The following FOXP1 variants were observed in gnomAD, a reference collection of about 807,000 sequenced individuals.
FOXP1 encodes forkhead box protein P1.
A neutral mutation model predicts 98.2 loss-of-function variants in FOXP1; 15 were observed. The ratio of observed to expected loss-of-function variants is 0.15; its 90% confidence interval spans 0.10 to 0.24. FOXP1 has a LOEUF of 0.24. Ranked by LOEUF, FOXP1 falls within the 10% of genes least tolerant of loss-of-function variation. The pLI, the probability that FOXP1 is intolerant of heterozygous loss-of-function variation, is 1.00. For missense variants in FOXP1, 633 were observed against 848.5 expected (o/e 0.75, Z 3.15); for synonymous variants, 371 against 314.5 (o/e 1.18, Z -1.90).
chr3:71,199,716 G>A (rs2063536686), intron 5 of FOXP1, among the ~76,000 whole-genome samples: 1 of 151,360 alleles, frequency 6.6e-6, no homozygotes, highest in Non-Finnish European at 1.5e-5. Context: ...CTCCAGCCTA[G>A]GTGACAGGGT....
chr3:70,956,757 TTTTTTTTTTTTTTTTTA>T lies in FOXP1; in HGVS notation c.*2473_*2489del. On this transcript the variant is annotated 3_prime_UTR_variant, in exon 21 of 21. Transcript: ENST00000649528. ...GTTTTTTTTTTTTTTTTTTTTTTTT[TTTTTTTTTTTTTTTTTA>T]AAGTCTTGCGTGACCACAGACTGCC... 5.2e-6 allele frequency: 1 copy of T among 191,344 alleles called. No individual in the cohort carries two copies. Among genetic ancestry groups the T allele is most frequent in the Non-Finnish European group, 1.0e-5 (1 of 100,184 alleles). 11.9% of individuals were successfully genotyped at this position (191,344 alleles called of 1,614,324 possible).
intron 4 of FOXP1, among the ~76,000 whole-genome samples, chr3:71,312,680 C>T (rs2074775975): frequency 6.6e-6 from 1 of 152,168 alleles, no homozygotes; most frequent in South Asian, 2.1e-4. Flanking sequence ...TAAAGTGAGA[C>T]ACTGTTTAAT....
rs536195179 is a variant in FOXP1 at position 71,581,294 on chromosome 3, C to T, written c.-298+255G>A. ...AGGATGTCACCATATTTTATCGGAG[C>T]ACTTTACACTCCACGCTAAACTTTG... is the stretch of plus-strand genomic sequence containing the variant. On this transcript the variant is annotated intron_variant, in intron 2 of 20. Coordinates refer to ENST00000649528, the MANE Select transcript of FOXP1 (RefSeq NM_001349338.3). The T allele has an allele frequency of 1.4e-5, 14 of 985,310 alleles. No individual in the cohort carries two copies. In the African/African-American group the frequency reaches 2.3e-4, roughly 16 times the overall value. The allele number at this position is 985,310 out of a possible 1,614,324, so 61.0% of individuals were successfully genotyped here.
At chr3:71,269,386 T>C (rs1434766164) in intron 5 of FOXP1, among the ~76,000 whole-genome samples, 2 of 152,226 alleles carry the variant, frequency 1.3e-5, no homozygotes, top group Non-Finnish European at 2.9e-5. Flanking sequence ...TGTATTCATC[T>C]AGACCTGAAT....
chr3:71,143,307 T>C (rs909176241), intron 6 of FOXP1, among the ~76,000 whole-genome samples: 1 of 152,204 alleles, frequency 6.6e-6, no homozygotes, highest in Admixed American at 6.5e-5. Flanking sequence ...TTTAAGCTAT[T>C]GTGGATCTTC....
chr3:71,046,288 T>C (rs2049026631), intron 10 of FOXP1, among the ~76,000 whole-genome samples: 1 of 152,190 alleles, frequency 6.6e-6, no homozygotes, highest in Non-Finnish European at 1.5e-5. Flanking sequence ...TAAAAGAAAT[T>C]TACTAAATGT....
intron 2 of FOXP1, among the ~76,000 whole-genome samples, chr3:71,551,974 C>T (rs974476785): frequency 6.6e-6 from 1 of 152,142 alleles, no homozygotes; most frequent in East Asian, 1.9e-4. Flanking sequence ...TTTATTTTAT[C>T]CTAATTTTCT....
At chr3:71,051,837 T>C (rs185785342) in intron 9 of FOXP1, among the ~76,000 whole-genome samples, 262 of 152,194 alleles carry the variant, frequency 1.7e-3, no homozygotes, top group Non-Finnish European at 3.0e-3. Flanking sequence ...TTATCATTTA[T>C]GGGACGAATG....
chr3:71,281,707 A>C (rs1230568445), intron 5 of FOXP1, among the ~76,000 whole-genome samples: 1 of 152,190 alleles, frequency 6.6e-6, no homozygotes, highest in Non-Finnish European at 1.5e-5. Context: ...ACTTCAGTCC[A>C]TGGTTTAAGT....
chr3:71,177,078 G>GA (rs1226441198), intron 6 of FOXP1, among the ~76,000 whole-genome samples: 1 of 151,852 alleles, frequency 6.6e-6, no homozygotes, highest in Non-Finnish European at 1.5e-5. Context: ...AAAAACAAAT[G>GA]AAAAAAAGGA....
intron 10 of FOXP1, among the ~76,000 whole-genome samples, chr3:71,043,160 T>C (rs542900984): frequency 7.8e-4 from 118 of 152,186 alleles, no homozygotes; most frequent in Non-Finnish European, 1.2e-3. Context: ...GCAATTAATA[T>C]ATATTATAAA....
At chr3:70,964,227 A>T (rs138699622) in intron 20 of FOXP1, among the ~76,000 whole-genome samples, 54 of 152,250 alleles carry the variant, frequency 3.5e-4, no homozygotes, top group African/African-American at 7.9e-4. Context: ...AATAGTTGAA[A>T]CCTTCATTTC....
intron 3 of FOXP1, among the ~76,000 whole-genome samples, chr3:71,465,347 AGAAGAG>A (rs2088598667): frequency 1.3e-5 from 2 of 149,220 alleles, no homozygotes; most frequent in Non-Finnish European, 1.5e-5. Flanking sequence ...AAGAAGAAGA[AGAAGAG>A]GGCCAGGCTA....
intron 3 of FOXP1, among the ~76,000 whole-genome samples, chr3:71,371,995 T>C (rs1308446361): frequency 6.6e-6 from 1 of 151,998 alleles, no homozygotes; most frequent in Non-Finnish European, 1.5e-5. Flanking sequence ...ATGAGGATCA[T>C]TCTTTCGTCT....
intron 2 of FOXP1, among the ~76,000 whole-genome samples, chr3:71,509,558 G>T (rs192394961): frequency 1.1e-3 from 175 of 152,198 alleles, no homozygotes; most frequent in Non-Finnish European, 1.9e-3. Context: ...CATCATGGGG[G>T]GAGGACATAA....
intron 6 of FOXP1, among the ~76,000 whole-genome samples, chr3:71,121,661 C>T (rs541065667): frequency 9.2e-5 from 14 of 152,260 alleles, no homozygotes; most frequent in Non-Finnish European, 1.9e-4. Flanking sequence ...AAGCCTGAGC[C>T]TGTTTAGCTC....
At chr3:71,032,944 G>C (rs1233493371) in intron 11 of FOXP1, among the ~76,000 whole-genome samples, 2 of 152,124 alleles carry the variant, frequency 1.3e-5, no homozygotes, top group East Asian at 3.9e-4. Context: ...AAAATCTTCT[G>C]TCTAATTTAA....
At chr3:71,026,742 T>C (rs969471819) in intron 11 of FOXP1, among the ~76,000 whole-genome samples, 6 of 152,302 alleles carry the variant, frequency 3.9e-5, no homozygotes, top group Middle Eastern at 3.4e-3. Context: ...CCAGCCACAC[T>C]GGGCAAAATG....
At chr3:71,528,328 T>G (rs2043559901) in intron 2 of FOXP1, among the ~76,000 whole-genome samples, 1 of 152,218 alleles carries the variant, frequency 6.6e-6, no homozygotes, top group Non-Finnish European at 1.5e-5. Flanking sequence ...CTGGTAAACA[T>G]GCCTTCCAAA....
Sources: gnomAD v4.1 joint callset for allele counts (sites outside exome capture counted in the v4.1 genomes callset) on GRCh38, gnomAD v4.1.1 for gene constraint, MANE v1.5 for transcripts, NCBI Gene and HGNC (gene_info 2026-07-23, HGNC 2026-07-21) for gene names.